Variants in PCCA observed in about 807,000 individuals in gnomAD.
The protein encoded by PCCA is propionyl-CoA carboxylase subunit alpha.
Under a neutral mutation model 101.3 loss-of-function variants are expected in PCCA, and 74 were observed. That is an observed-to-expected ratio of 0.73 (90% CI 0.61 to 0.89). The LOEUF is 0.89. Ranked by LOEUF, PCCA falls within the 40% of genes least tolerant of loss-of-function variation. PCCA has a pLI of 0.00. For missense variants in PCCA, 891 were observed against 907.0 expected, an observed-to-expected ratio of 0.98 and a Z score of 0.23; for synonymous variants, 294 against 313.6, an observed-to-expected ratio of 0.94 and a Z score of 0.66.
intron 6 of PCCA, among the ~76,000 whole-genome samples, chr13:100,180,298 G>A (rs1172963913): frequency 6.6e-6 from 1 of 152,178 alleles, no homozygotes; most frequent in Non-Finnish European, 1.5e-5. Context: ...ACCTGTAGAC[G>A]TCCTCACTCC....
intron 18 of PCCA, among the ~76,000 whole-genome samples, chr13:100,357,107 A>C (rs1330444574): frequency 6.6e-6 from 1 of 152,144 alleles, no homozygotes; most frequent in Non-Finnish European, 1.5e-5. Context: ...AAACGTTTTA[A>C]AGTTGCTTGT....
chr13:100,393,192 A>G (rs1013376258), intron 19 of PCCA, among the ~76,000 whole-genome samples: 1 of 152,196 alleles, frequency 6.6e-6, no homozygotes, highest in African/African-American at 2.4e-5. Context: ...ATTGCTCAAT[A>G]TGATTATATG....
At chr13:100,320,021 C>T (rs2067844076) in intron 16 of PCCA, among the ~76,000 whole-genome samples, 1 of 152,128 alleles carries the variant, frequency 6.6e-6, no homozygotes, top group Admixed American at 6.5e-5. Flanking sequence ...TTTTGTAGTT[C>T]TGTTTGAAGA....
chr13:100,431,080 T>C, intron 20 of PCCA, among the ~76,000 whole-genome samples: 2 of 151,898 alleles, frequency 1.3e-5, no homozygotes, highest in Middle Eastern at 3.4e-3. Context: ...GCCCTTAACA[T>C]TTTTTTTCAC....
intron 6 of PCCA, among the ~76,000 whole-genome samples, chr13:100,165,847 T>A (rs2054983209): frequency 1.3e-5 from 2 of 152,038 alleles, no homozygotes; most frequent in Non-Finnish European, 2.9e-5. Context: ...TAGCGAGCTA[T>A]GAATCCAGCC....
chr13:100,294,366 C>T (rs1318664526), intron 12 of PCCA, among the ~76,000 whole-genome samples: 2 of 152,096 alleles, frequency 1.3e-5, no homozygotes, highest in African/African-American at 4.8e-5. Context: ...ATAATGGTTT[C>T]CTTATCATTT....
At chr13:100,203,214 C>G (rs1411008089) in intron 6 of PCCA, among the ~76,000 whole-genome samples, 1 of 147,186 alleles carries the variant, frequency 6.8e-6, no homozygotes, top group Non-Finnish European at 1.5e-5. Context: ...GTGGAGGTTG[C>G]AGTGAGCTGA....
chr13:100,235,498 CG>C (rs1461686927), intron 7 of PCCA, among the ~76,000 whole-genome samples: 11 of 152,068 alleles, frequency 7.2e-5, no homozygotes, highest in African/African-American at 2.7e-4. Context: ...AAGCTGGCTG[CG>C]GACAAGCTTT....
chr13:100,440,924 G>T (rs1307101864), intron 20 of PCCA, among the ~76,000 whole-genome samples: 3 of 152,116 alleles, frequency 2.0e-5, no homozygotes. Flanking sequence ...CAGTAGAACA[G>T]AAATAACTCT....
intron 6 of PCCA, among the ~76,000 whole-genome samples, chr13:100,163,883 CTATT>C (rs2054752639): frequency 6.6e-6 from 1 of 151,844 alleles, no homozygotes; most frequent in Non-Finnish European, 1.5e-5. Context: ...TTGGATCTAT[CTATT>C]TTTCAGTGTT....
intron 21 of PCCA, among the ~76,000 whole-genome samples, chr13:100,478,296 A>G (rs2083585417): frequency 6.6e-6 from 1 of 152,162 alleles, no homozygotes; most frequent in South Asian, 2.1e-4. Flanking sequence ...AGTGGGTCAG[A>G]CCAGAGCCCT....
intron 19 of PCCA, among the ~76,000 whole-genome samples, chr13:100,422,152 T>G (rs1268329538): frequency 7.2e-6 from 1 of 138,878 alleles, no homozygotes; most frequent in Admixed American, 7.4e-5. Context: ...TTTTTTTTTT[T>G]GACAGCATTT....
chr13:100,167,991 A>G (rs944374352), intron 6 of PCCA, among the ~76,000 whole-genome samples: 1 of 152,220 alleles, frequency 6.6e-6, no homozygotes, highest in Non-Finnish European at 1.5e-5. Context: ...CCCATGTATT[A>G]CTAATCCTGC....
At position 100,310,016 on chromosome 13, in the gene PCCA, T is replaced by G. The variant is rs148121211; in HGVS notation, c.1429+108T>G. 4.9e-4 allele frequency: 401 copies of G among 814,604 alleles called. 4 individuals carry two copies. The East Asian group carries it at 9.4e-3, about 19-fold the overall frequency. 50.5% of individuals were successfully genotyped at this position (814,604 alleles called of 1,614,324 possible). On this transcript the variant is annotated intron_variant, in intron 16 of 23. Transcript: ENST00000376285. ...TATGGCACAGCACATTTGCTCACTA[T>G]GTGCTTAAAGAGAAATAAGAAAAAC...
chr13:100,187,040 A>G (rs535179707), intron 6 of PCCA, among the ~76,000 whole-genome samples: 2 of 152,330 alleles, frequency 1.3e-5, no homozygotes, highest in African/African-American at 2.4e-5. Context: ...TAAAATTCCT[A>G]GTTTTCCCAA....
At chr13:100,245,364 A>G (rs1044437030) in intron 8 of PCCA, among the ~76,000 whole-genome samples, 1 of 152,210 alleles carries the variant, frequency 6.6e-6, no homozygotes, top group Non-Finnish European at 1.5e-5. Context: ...CTCTAGTAAT[A>G]TGCTAAATTT....
intron 20 of PCCA, among the ~76,000 whole-genome samples, chr13:100,443,266 C>G (rs1265734160): frequency 6.6e-6 from 1 of 152,052 alleles, no homozygotes; most frequent in Non-Finnish European, 1.5e-5. Context: ...GCCTGGGCAA[C>G]ATAGTGAGAC....
chr13:100,299,520 C>A (rs568909685), intron 12 of PCCA, among the ~76,000 whole-genome samples: 1 of 152,280 alleles, frequency 6.6e-6, no homozygotes, highest in Admixed American at 6.5e-5. Context: ...TGACCACTTA[C>A]CATAGATGTG....
intron 6 of PCCA, among the ~76,000 whole-genome samples, chr13:100,158,517 T>A (rs2054101398): frequency 6.6e-6 from 1 of 152,240 alleles, no homozygotes; most frequent in Non-Finnish European, 1.5e-5. Flanking sequence ...GGTTCCAGTT[T>A]CCCAGGTTTT....
Sources: gnomAD v4.1 joint callset for allele counts (sites outside exome capture counted in the v4.1 genomes callset) on GRCh38, gnomAD v4.1.1 for gene constraint, MANE v1.5 for transcripts, NCBI Gene and HGNC (gene_info 2026-07-23, HGNC 2026-07-21) for gene names.